Variants in NDRG4 observed in about 807,000 individuals in gnomAD.
The protein encoded by NDRG4 is NDRG family member 4.
A neutral mutation model predicts 55.8 loss-of-function variants in NDRG4; 38 were observed. The ratio of observed to expected loss-of-function variants is 0.68; its 90% CI spans 0.53 to 0.89. NDRG4 has a LOEUF of 0.89. NDRG4 is among the 40% of genes least tolerant of loss of function. The pLI, the probability that NDRG4 is intolerant of heterozygous loss-of-function variation, is 0.00. For synonymous variants in NDRG4, 190 were observed against 182.7 expected, an observed-to-expected ratio of 1.04 and a Z score of -0.32; for missense variants, 455 against 468.6, an observed-to-expected ratio of 0.97 and a Z score of 0.27.
rs1238244440 is a variant in NDRG4, at chr16:58,506,493, G to A, written c.459+20G>A. On this transcript the variant is annotated intron_variant, in intron 6 of 14. Transcript: ENST00000570248. ...ACCAAGGTGTGTGTGGTGACCGGGG[G>A]TGGGGTGGGTATACCTAGGGTGGGG... The A allele has an allele frequency of 1.9e-6, 3 of 1,606,930 alleles. No homozygotes were observed. The highest frequency in any genetic ancestry group is 2.5e-6 in the Non-Finnish European group (3 of 1,177,586).
chr16:58,507,095 C>T, intron 8 of NDRG4, 80 bp downstream of exon 8: 1 of 1,082,684 alleles, frequency 9.2e-7, no homozygotes, highest in Non-Finnish European at 1.4e-6. Context: ...GGGAGGCAGG[C>T]AGACAACACC....
chr16:58,514,767 GAAAAAA>G (rs60036706), downstream of NDRG4, among the ~76,000 whole-genome samples: 1 of 131,180 alleles, frequency 7.6e-6, no homozygotes, highest in African/African-American at 2.9e-5. Flanking sequence ...AAAAAAAAAG[GAAAAAA>G]AAAAAAAACT....
At chr16:58,495,072 G>A in intron 3 of NDRG4, 1 of 1,546,694 alleles carries the variant, frequency 6.5e-7, no homozygotes, top group African/African-American at 1.4e-5. Context: ...ACCCCACCTG[G>A]CCAGGTCCCA....
chr16:58,486,046 A>G (rs2035046577), intron 1 of NDRG4, among the ~76,000 whole-genome samples: 1 of 152,224 alleles, frequency 6.6e-6, no homozygotes, highest in South Asian at 2.1e-4. Flanking sequence ...ACTGCCCTCC[A>G]GAAAGATATG....
At chr16:58,486,459 CA>C (rs112193649) in intron 1 of NDRG4, among the ~76,000 whole-genome samples, 1,332 of 131,836 alleles carry the variant, frequency 0.01, 10 homozygotes, top group Non-Finnish European at 0.015. Context: ...TGTGCCTGGC[CA>C]AAAAAAAAAA....
chr16:58,466,110 A>G (rs2151532575), intron 1 of NDRG4, among the ~76,000 whole-genome samples: 1 of 152,326 alleles, frequency 6.6e-6, no homozygotes, highest in East Asian at 1.9e-4. Context: ...TCCGTCTCCC[A>G]GGATCAAGGG....
chr16:58,504,486 G>A, intron 4 of NDRG4, 65 bp downstream of exon 4: 1 of 1,611,820 alleles, frequency 6.2e-7, no homozygotes, highest in Non-Finnish European at 8.5e-7. Flanking sequence ...AGAGCCACCT[G>A]GCTCCAGCTG....
chr16:58,464,122 C>T lies in NDRG4; in HGVS notation c.-24+325C>T. 3.1e-6 allele frequency: 1 copy of T among 326,238 alleles called. No individual in the cohort carries two copies. Among genetic ancestry groups the T allele is most frequent in the Non-Finnish European group, 5.5e-6 (1 of 180,488 alleles). 20.2% of individuals were successfully genotyped at this position (326,238 alleles called of 1,614,324 possible). ...TTCGGGCGGCGGGCACGGGGGACCA[C>T]CTCCCACGGTGTCACCGCACCCACC... is the stretch of plus-strand genomic sequence containing the variant. On this transcript the variant is annotated intron_variant, in intron 1 of 15. Transcript: ENST00000258187. This position sits in a 1 kb window ranked among gnomAD's most constrained non-coding sequence, Gnocchi z 4.8.
In NDRG4 at chr16:58,506,401, C is replaced by A. The variant is rs528218036; in HGVS notation, c.387C>A (p.Asp129Glu). 5.0e-6 allele frequency: 8 copies of A among 1,613,926 alleles called. No individual in the cohort carries two copies. In the South Asian group the frequency reaches 8.8e-5, roughly 18 times the overall value. Residue 129 changes from aspartate to glutamate, a missense_variant, in exon 6 of 15, where the codon GAC (aspartate) becomes GAA (glutamate). Asp to Glu is a conservative substitution (Grantham distance 45). Transcript: ENST00000570248. ...TCTTACTGCAGCTCATCTTCCCCGA[C>A]CTGGTGGAGGGGCTGGTGCTGGTGA... ...VLAKFALIFPDLVEGLVLVNI... is the reference protein window; with the variant it reads ...VLAKFALIFPELVEGLVLVNI...
intron 5 of NDRG4, chr16:58,506,133 CGTGTGTGTGT>C (rs113481456): frequency 7.4e-6 from 4 of 540,720 alleles, no homozygotes; most frequent in Non-Finnish European, 1.3e-5. Context: ...GTTGAAAGAG[CGTGTGTGTGT>C]GTGTGTGTGT....
Position 58,511,522 on chromosome 16 carries a change from A to T in NDRG4, c.1005A>T (p.Ser335=). ...DGSRPQACTH[S]ESSEGLGQVN... ...GCCGCCCACAGGCCTGCACCCACTC[A>T]GAGAGCAGCGAGGGGCTGGGCCAGG... Residue 335 remains serine, a synonymous_variant, in exon 15 of 15, where the codon TCA becomes TCT. Transcript: ENST00000570248. The T allele has an allele frequency of 6.2e-7, 1 of 1,612,816 alleles. No individual in the cohort carries two copies. Among genetic ancestry groups the T allele is most frequent in the South Asian group, 1.1e-5 (1 of 91,076 alleles).
intron 1 of NDRG4, among the ~76,000 whole-genome samples, chr16:58,486,577 G>A (rs1309537729): frequency 6.6e-6 from 1 of 151,962 alleles, no homozygotes; most frequent in Non-Finnish European, 1.5e-5. Flanking sequence ...TATGTCCTTG[G>A]CTAGTTTTTC....
At chr16:58,474,267 T>C (rs1444234912) in intron 1 of NDRG4, among the ~76,000 whole-genome samples, 1 of 152,148 alleles carries the variant, frequency 6.6e-6, no homozygotes, top group East Asian at 1.9e-4. Flanking sequence ...GGTCTCGAAC[T>C]CCTGGCCTCA....
At chr16:58,509,441 C>A (rs1170678637) in intron 13 of NDRG4, 89 bp downstream of exon 13, 3 of 1,412,334 alleles carry the variant, frequency 2.1e-6, no homozygotes, top group Admixed American at 3.5e-5. Flanking sequence ...AGGGCTGGCA[C>A]GTGGTGTCAG....
chr16:58,504,701 G>A (rs762642202), intron 5 of NDRG4, 52 bp downstream of exon 5: 3 of 1,604,916 alleles, frequency 1.9e-6, no homozygotes, highest in Non-Finnish European at 2.6e-6. Flanking sequence ...AGCCAGGGAT[G>A]TCCCAGTGGT....
chr16:58,507,595 G>A (rs1350996163), intron 8 of NDRG4: 18 of 561,278 alleles, frequency 3.2e-5, no homozygotes, highest in Admixed American at 1.2e-4. Context: ...GTGGCGGTGC[G>A]CATGGCTCTG....
chr16:58,509,000 C>T lies in NDRG4; in HGVS notation c.768C>T (p.Thr256=). The T allele has an allele frequency of 6.2e-7, 1 of 1,614,152 alleles. No homozygotes were observed. The highest frequency in any genetic ancestry group is 1.1e-5 in the South Asian group (1 of 91,084). Residue 256 remains threonine (T), a synonymous_variant, in exon 11 of 15, where the codon ACC becomes ACT. Transcript: ENST00000570248. Reference sequence around the variant, plus strand: ...CCAAACTGGACCCGACCACTACGACCTTCCTGAAGGTGAGGCTTTCTTCCC... The same window carrying T: ...CCAAACTGGACCCGACCACTACGACTTTCCTGAAGGTGAGGCTTTCTTCCC... The part of the protein sequence containing the change: ...CNSKLDPTTT[T]FLKMADSGGL...
At chr16:58,510,136 C>T (rs1312676348) in intron 13 of NDRG4, among the ~76,000 whole-genome samples, 1 of 152,226 alleles carries the variant, frequency 6.6e-6, no homozygotes, top group Non-Finnish European at 1.5e-5. Flanking sequence ...TGTGGGAAGG[C>T]TGGGGAGGAC....
At position 58,464,450 on chromosome 16, in the gene NDRG4, G is replaced by A; in HGVS notation, c.-24+653G>A. 7.4e-7 allele frequency: 1 copy of A among 1,349,632 alleles called. No individual in the cohort carries two copies. Among genetic ancestry groups the A allele is most frequent in the South Asian group, 1.9e-5 (1 of 52,782 alleles). The allele number at this position is 1,349,632 out of a possible 1,614,324, so 83.6% of individuals were successfully genotyped here. A position where few individuals can be genotyped will look rare whatever the true frequency, so the allele number is the denominator to read the frequency against. ...GCCGAGATGAAGGTGCTGGGACACCGGCTGGAGCTGCTCACAGGTACCGCC... is the reference window on the plus strand; with the variant it reads ...GCCGAGATGAAGGTGCTGGGACACCAGCTGGAGCTGCTCACAGGTACCGCC... On this transcript the variant is annotated intron_variant, in intron 1 of 15. Coordinates refer to the NDRG4 transcript ENST00000258187. The surrounding 1 kb of genome is among the most constrained non-coding windows in gnomAD (Gnocchi z 4.8).
Sources: allele counts gnomAD v4.1 joint callset (sites outside exome capture counted in the v4.1 genomes callset), GRCh38; gene constraint gnomAD v4.1.1; non-coding constraint Gnocchi (gnomAD v3.1); transcripts MANE v1.5; gene names NCBI Gene and HGNC (gene_info 2026-07-23, HGNC 2026-07-21).